The following GPC5 variants were observed in gnomAD, a reference collection of about 807,000 sequenced individuals.
GPC5 encodes glypican 5, also known as glypican-5.
A neutral mutation model predicts 53.9 loss-of-function variants in GPC5; 47 were observed. The ratio of observed to expected loss-of-function variants is 0.87; its 90% CI spans 0.69 to 1.11. The LOEUF (loss-of-function observed/expected upper bound fraction) is 1.11, where lower values mean the gene tolerates loss of function less well. Among genes scored for constraint, GPC5 ranks in the 50% most tolerant of loss-of-function variants. The probability of loss-of-function intolerance (pLI) is 0.00; values close to 1 mark genes in which losing one functional copy is unlikely to be tolerated. For synonymous variants in GPC5, 286 were observed against 263.3 expected (o/e 1.09, Z -0.84); for missense variants, 748 against 713.1 (o/e 1.05, Z -0.56).
chr13:91,405,076 C>T (rs187556670), intron 1 of GPC5, among the ~76,000 whole-genome samples: 1 of 152,292 alleles, frequency 6.6e-6, no homozygotes, highest in Non-Finnish European at 1.5e-5. Flanking sequence ...GTCGTTAGAA[C>T]TGTAGGTTTC....
chr13:91,778,308 T>G (rs984067448), intron 5 of GPC5, among the ~76,000 whole-genome samples: 1 of 152,074 alleles, frequency 6.6e-6, no homozygotes, highest in Non-Finnish European at 1.5e-5. Flanking sequence ...TTGAAGGGAG[T>G]ATACAAGCAA....
At chr13:91,437,077 G>A (rs1328348025) in intron 1 of GPC5, among the ~76,000 whole-genome samples, 2 of 152,052 alleles carry the variant, frequency 1.3e-5, no homozygotes, top group Non-Finnish European at 2.9e-5. Context: ...GAGCCTATGT[G>A]TGTCGCTGCA....
intron 7 of GPC5, among the ~76,000 whole-genome samples, chr13:92,530,039 T>C (rs993080978): frequency 2.6e-5 from 4 of 152,180 alleles, no homozygotes; most frequent in South Asian, 2.1e-4. Flanking sequence ...GCTCTCATCG[T>C]GCCACTGCAC....
At chr13:91,608,054 C>G (rs2033430106) in intron 2 of GPC5, among the ~76,000 whole-genome samples, 1 of 152,042 alleles carries the variant, frequency 6.6e-6, no homozygotes, top group Non-Finnish European at 1.5e-5. Context: ...TTAAACAAAT[C>G]AAATTTTTAA....
intron 6 of GPC5, among the ~76,000 whole-genome samples, chr13:91,909,090 C>G (rs1394632368): frequency 5.9e-5 from 9 of 152,140 alleles, no homozygotes; most frequent in Non-Finnish European, 1.0e-4. Flanking sequence ...ATAGATTTCT[C>G]CCTTCTGCGA....
chr13:91,930,153 C>T (rs1050576905), intron 6 of GPC5, among the ~76,000 whole-genome samples: 2 of 151,974 alleles, frequency 1.3e-5, no homozygotes, highest in Non-Finnish European at 2.9e-5. Context: ...CGAGGCCTTT[C>T]TAAATGGATA....
chr13:92,748,745 CT>C (rs961016838), intron 7 of GPC5, among the ~76,000 whole-genome samples: 4 of 151,958 alleles, frequency 2.6e-5, no homozygotes, highest in Admixed American at 6.6e-5. Flanking sequence ...ATGAATACTC[CT>C]TTTTTTAATT....
intron 5 of GPC5, among the ~76,000 whole-genome samples, chr13:91,872,577 T>C (rs2039158089): frequency 6.6e-6 from 1 of 152,134 alleles, no homozygotes; most frequent in African/African-American, 2.4e-5. Flanking sequence ...CATATGTATA[T>C]AGGCACATTA....
At chr13:92,450,074 T>C (rs1253393200) in intron 7 of GPC5, among the ~76,000 whole-genome samples, 1 of 152,168 alleles carries the variant, frequency 6.6e-6, no homozygotes, top group Non-Finnish European at 1.5e-5. Context: ...ATTTATGAAT[T>C]ATTCAGAGAG....
intron 7 of GPC5, among the ~76,000 whole-genome samples, chr13:92,343,671 T>G (rs1002781660): frequency 6.6e-6 from 1 of 152,088 alleles, no homozygotes; most frequent in Admixed American, 6.5e-5. Context: ...AAATTTTCAA[T>G]AATTTTTTCT....
chr13:92,749,818 A>C (rs772973652), intron 7 of GPC5, among the ~76,000 whole-genome samples: 5 of 152,224 alleles, frequency 3.3e-5, no homozygotes, highest in Non-Finnish European at 7.3e-5. Flanking sequence ...GAAAAGACTT[A>C]TTCAGAGAAT....
chr13:92,386,899 G>T (rs1874754040), intron 7 of GPC5, among the ~76,000 whole-genome samples: 1 of 152,030 alleles, frequency 6.6e-6, no homozygotes, highest in Admixed American at 6.6e-5. Flanking sequence ...GCAGTGCATT[G>T]CTTCCTACAT....
At chr13:92,338,673 G>C (rs1278461382) in intron 7 of GPC5, among the ~76,000 whole-genome samples, 3 of 152,106 alleles carry the variant, frequency 2.0e-5, no homozygotes, top group Non-Finnish European at 4.4e-5. Flanking sequence ...CACAATATGA[G>C]ATTCTGTGAA....
chr13:92,337,407 C>T (rs1594110163), intron 7 of GPC5, among the ~76,000 whole-genome samples: 1 of 152,198 alleles, frequency 6.6e-6, no homozygotes, highest in Middle Eastern at 3.4e-3. Context: ...ATGAAAATCA[C>T]AGCAAGCTAT....
At chr13:91,887,218 C>T (rs2138961425) in intron 5 of GPC5, among the ~76,000 whole-genome samples, 1 of 152,310 alleles carries the variant, frequency 6.6e-6, no homozygotes, top group East Asian at 1.9e-4. Flanking sequence ...GGCTTTCAAC[C>T]TCCAAAGACA....
chr13:92,297,748 A>G (rs1326647315), intron 7 of GPC5, among the ~76,000 whole-genome samples: 2 of 152,104 alleles, frequency 1.3e-5, no homozygotes, highest in African/African-American at 4.8e-5. Context: ...AGATAAGAGA[A>G]TAAAAGCAGG....
At chr13:92,816,233 G>C (rs1034019050) in intron 7 of GPC5, among the ~76,000 whole-genome samples, 2 of 152,044 alleles carry the variant, frequency 1.3e-5, no homozygotes, top group South Asian at 4.1e-4. Context: ...AGCCATAAAA[G>C]TAAAGTGACA....
intron 7 of GPC5, among the ~76,000 whole-genome samples, chr13:92,151,950 G>T (rs1415673576): frequency 6.6e-6 from 1 of 152,106 alleles, no homozygotes; most frequent in Non-Finnish European, 1.5e-5. Context: ...ATGAGACAGT[G>T]GTATTTGAGA....
intron 7 of GPC5, among the ~76,000 whole-genome samples, chr13:92,463,877 A>C (rs1193992679): frequency 6.6e-6 from 1 of 152,120 alleles, no homozygotes; most frequent in African/African-American, 2.4e-5. Flanking sequence ...TTGCAATGCA[A>C]TTTATTGGAG....
Sources: allele counts gnomAD v4.1 joint callset (sites outside exome capture counted in the v4.1 genomes callset), GRCh38; gene constraint gnomAD v4.1.1; transcripts MANE v1.5; gene names NCBI Gene and HGNC (gene_info 2026-07-23, HGNC 2026-07-21).